Variants in C12orf56 observed in about 807,000 individuals in gnomAD.
C12orf56 encodes the protein uncharacterized protein C12orf56.
In C12orf56, 71 loss-of-function variants were observed where a neutral mutation model predicts 69.9. The ratio of observed to expected loss-of-function variants is 1.02; its 90% CI spans 0.84 to 1.24. The LOEUF (loss-of-function observed/expected upper bound fraction) is 1.24, where lower values mean the gene tolerates loss of function less well. C12orf56 is among the 50% of genes most tolerant of loss of function. The probability of loss-of-function intolerance (pLI) is 0.00; values close to 1 mark genes in which losing one functional copy is unlikely to be tolerated. For synonymous variants in C12orf56, 276 were observed against 274.1 expected (o/e 1.01, Z -0.07); for missense variants, 732 against 738.5 (o/e 0.99, Z 0.10).
chr12:64,329,941 GT>G (rs1434887030), intron 3 of C12orf56, among the ~76,000 whole-genome samples: 1 of 151,734 alleles, frequency 6.6e-6, no homozygotes, highest in Non-Finnish European at 1.5e-5. Context: ...GGACATTTGG[GT>G]TGGTTCCAAG....
At chr12:64,389,259 G>A (rs1453605616) in intron 1 of C12orf56, 1 of 152,198 alleles carries the variant, frequency 6.6e-6, no homozygotes, top group East Asian at 1.9e-4. Context: ...TGGTTTACAA[G>A]GTAAATCTAT....
At position 64,383,578 on chromosome 12, in the gene C12orf56, T is replaced by C. The variant is rs539494097; in HGVS notation, c.252+6736A>G. Among the ~76,000 whole-genome samples, 48 of 152,214 alleles carry C rather than the reference T, an allele frequency of 3.2e-4. 1 individual carries two copies. Among genetic ancestry groups the C allele is most frequent in the East Asian group, 1.2e-3 (6 of 5,152 alleles). On this transcript the variant is annotated intron_variant, in intron 1 of 12. Coordinates refer to ENST00000543942, the MANE Select transcript of C12orf56 (RefSeq NM_001170633.2). ...TTGTCATAGAAACGGGGTTTCACCA[T>C]GTTGGCCAGGCTGGTCTTAAACTCC...
intron 8 of C12orf56, among the ~76,000 whole-genome samples, chr12:64,278,327 G>T (rs143342746): frequency 2.0e-3 from 302 of 152,108 alleles, no homozygotes; most frequent in African/African-American, 7.0e-3. Context: ...AGGTTTGTTT[G>T]CTTGGGTTAT....
intron 6 of C12orf56, among the ~76,000 whole-genome samples, chr12:64,289,223 T>C (rs1453091689): frequency 1.2e-5 from 1 of 81,626 alleles, no homozygotes; most frequent in Non-Finnish European, 2.8e-5. Flanking sequence ...TTTGCTGAAG[T>C]TGCTTATCAG....
intron 6 of C12orf56, among the ~76,000 whole-genome samples, chr12:64,301,392 T>C (rs2082951): frequency 0.99 from 150,022 of 152,204 alleles, 73,974 homozygotes; most frequent in Middle Eastern, 1. Context: ...AAGAAACTCC[T>C]CAGGCCGCCA....
intron 1 of C12orf56, among the ~76,000 whole-genome samples, chr12:64,382,626 G>T (rs955078377): frequency 1.4e-4 from 21 of 152,184 alleles, no homozygotes; most frequent in African/African-American, 4.6e-4. Flanking sequence ...TGTAATCCCA[G>T]CACTTCAGGA....
chr12:64,331,111 G>A, intron 2 of C12orf56, 79 bp from the exon 3 acceptor site: 2 of 1,186,890 alleles, frequency 1.7e-6, no homozygotes, highest in Non-Finnish European at 2.4e-6. Context: ...CTCATGTACT[G>A]ATTAAATGAC....
chr12:64,325,245 A>C (rs533167399), intron 3 of C12orf56, among the ~76,000 whole-genome samples: 6 of 152,248 alleles, frequency 3.9e-5, no homozygotes, highest in African/African-American at 1.4e-4. Context: ...CACCACATTA[A>C]GCAGCAGCAG....
intron 2 of C12orf56, among the ~76,000 whole-genome samples, chr12:64,351,036 G>T (rs1354569410): frequency 6.6e-6 from 1 of 152,132 alleles, no homozygotes; most frequent in African/African-American, 2.4e-5. Flanking sequence ...GAACCAACCA[G>T]CAACCTCTGG....
intron 3 of C12orf56, among the ~76,000 whole-genome samples, chr12:64,327,434 G>A (rs549830219): frequency 3.3e-5 from 5 of 152,254 alleles, no homozygotes; most frequent in East Asian, 1.9e-4. Context: ...AAATCTGCAC[G>A]TCCTGCATAT....
chr12:64,373,786 G>T (rs1413514180), intron 1 of C12orf56, among the ~76,000 whole-genome samples: 2 of 151,974 alleles, frequency 1.3e-5, no homozygotes, highest in Non-Finnish European at 2.9e-5. Context: ...TTTTTTTAGG[G>T]GGTTAAAATT....
chr12:64,276,406 T>A (rs2038051501), intron 9 of C12orf56, among the ~76,000 whole-genome samples: 1 of 152,158 alleles, frequency 6.6e-6, no homozygotes, highest in Non-Finnish European at 1.5e-5. Context: ...CAAGGAATGC[T>A]TCCCTCTGGC....
intron 5 of C12orf56, among the ~76,000 whole-genome samples, chr12:64,307,663 C>G (rs1234459945): frequency 6.6e-6 from 1 of 152,036 alleles, no homozygotes; most frequent in Non-Finnish European, 1.5e-5. Flanking sequence ...GCCACCTCGC[C>G]CGGCCAGACT....
chr12:64,313,298 G>GAAAGAAAGAAAGAAAGAAAT (rs1234581270), intron 4 of C12orf56, among the ~76,000 whole-genome samples: 1 of 145,850 alleles, frequency 6.9e-6, no homozygotes, highest in East Asian at 2.0e-4. Flanking sequence ...AAGAAAGAAA[G>GAAAGAAAGAAAGAAAGAAAT]AAATTATTTA....
chr12:64,332,223 G>A lies in C12orf56; in HGVS notation c.416-1191C>T, dbSNP rs542357533. Among the ~76,000 whole-genome samples, 6 of 142,482 alleles carry A rather than the reference G, an allele frequency of 4.2e-5. No individual in the cohort carries two copies. The South Asian group carries it at 1.3e-3, about 32-fold the overall frequency. 93.5% of individuals were successfully genotyped at this position (142,482 alleles called of 152,430 possible). A position where few individuals can be genotyped will look rare whatever the true frequency, so the allele number is the denominator to read the frequency against. On this transcript the variant is annotated intron_variant, in intron 2 of 12. Coordinates refer to ENST00000543942, the MANE Select transcript of C12orf56 (RefSeq NM_001170633.2). Reference sequence around the variant, plus strand: ...GGAGGCTGAGGCAGGAGAATCTCTTGAACTAGGAGAGAGAGGTTGCAGTGA... The same window carrying A: ...GGAGGCTGAGGCAGGAGAATCTCTTAAACTAGGAGAGAGAGGTTGCAGTGA...
chr12:64,379,410 G>C (rs1466490241), intron 1 of C12orf56, among the ~76,000 whole-genome samples: 1 of 151,282 alleles, frequency 6.6e-6, no homozygotes, highest in Admixed American at 6.6e-5. Flanking sequence ...TCAGCCTCCT[G>C]CGTAGCTGGG....
At chr12:64,389,717 G>A (rs890031745) in intron 1 of C12orf56, among the ~76,000 whole-genome samples, 1 of 152,072 alleles carries the variant, frequency 6.6e-6, no homozygotes. Context: ...GCCTGGTCTC[G>A]AACCCCTGAC....
intron 1 of C12orf56, among the ~76,000 whole-genome samples, chr12:64,361,335 G>A (rs2039397647): frequency 6.6e-6 from 1 of 152,198 alleles, no homozygotes; most frequent in Non-Finnish European, 1.5e-5. Flanking sequence ...TTGAATAAGG[G>A]CTGCGTAAAA....
intron 5 of C12orf56, among the ~76,000 whole-genome samples, chr12:64,305,443 G>A (rs1009538685): frequency 3.9e-5 from 6 of 152,090 alleles, no homozygotes; most frequent in Non-Finnish European, 5.9e-5. Flanking sequence ...GTGCAGTGGC[G>A]TGATCTTGGC....
Sources: allele counts gnomAD v4.1 joint callset (sites outside exome capture counted in the v4.1 genomes callset), GRCh38; gene constraint gnomAD v4.1.1; transcripts MANE v1.5; gene names NCBI Gene and HGNC (gene_info 2026-07-23, HGNC 2026-07-21).